The following LRRC28 variants were observed in gnomAD, a reference collection of about 807,000 sequenced individuals.
The protein encoded by LRRC28 is leucine rich repeat containing 28, also known as leucine-rich repeat-containing protein 28.
Under a neutral mutation model 45.7 loss-of-function variants are expected in LRRC28, and 39 were observed. The ratio of observed to expected loss-of-function variants is 0.85; its 90% CI spans 0.66 to 1.12. LRRC28 has a LOEUF of 1.12. Among genes scored for constraint, LRRC28 ranks in the 50% most tolerant of loss-of-function variants. The probability of loss-of-function intolerance (pLI) is 0.00; values close to 1 mark genes in which losing one functional copy is unlikely to be tolerated. For synonymous variants in LRRC28, 206 were observed against 178.8 expected (o/e 1.15, Z -1.22); for missense variants, 435 against 438.5 (o/e 0.99, Z 0.07).
chr15:99,289,874 A>G (rs935399871), intron 5 of LRRC28, among the ~76,000 whole-genome samples: 2 of 136,784 alleles, frequency 1.5e-5, no homozygotes, highest in African/African-American at 5.5e-5. Flanking sequence ...CGGAGCTTGC[A>G]GTGAGCCGAG....
intron 2 of LRRC28, among the ~76,000 whole-genome samples, chr15:99,276,126 C>T (rs2081611418): frequency 1.3e-5 from 2 of 151,872 alleles, no homozygotes; most frequent in African/African-American, 4.8e-5. Context: ...TCTCCCGTCA[C>T]CCCCAGATGG....
chr15:99,267,074 G>A (rs1457710487), intron 2 of LRRC28, among the ~76,000 whole-genome samples: 1 of 152,174 alleles, frequency 6.6e-6, no homozygotes, highest in Non-Finnish European at 1.5e-5. Context: ...ATAATTTGGA[G>A]TCAGTTAAAA....
At chr15:99,363,488 ATAT>A (rs1957262708) in intron 9 of LRRC28, 1 of 406,938 alleles carries the variant, frequency 2.5e-6, no homozygotes, top group African/African-American at 2.0e-5. Context: ...TTTATTGTAT[ATAT>A]TATTTAGAGG....
At chr15:99,348,529 T>C (rs1956767375) in intron 6 of LRRC28, among the ~76,000 whole-genome samples, 1 of 152,156 alleles carries the variant, frequency 6.6e-6, no homozygotes, top group East Asian at 1.9e-4. Flanking sequence ...TTCAAGACAC[T>C]TTCTGTTCCC....
chr15:99,288,173 A>G (rs2082009424), intron 5 of LRRC28, among the ~76,000 whole-genome samples: 1 of 152,248 alleles, frequency 6.6e-6, no homozygotes, highest in Non-Finnish European at 1.5e-5. Context: ...TACAATTACT[A>G]CAATTGTGCA....
intron 5 of LRRC28, among the ~76,000 whole-genome samples, chr15:99,298,700 TTAA>T (rs759589561): frequency 5.5e-4 from 84 of 152,314 alleles, no homozygotes; most frequent in Admixed American, 3.7e-3. Flanking sequence ...ACACAACCTA[TTAA>T]TAAGACTTCA....
chr15:99,349,184 G>T (rs551458012), intron 6 of LRRC28, among the ~76,000 whole-genome samples: 236 of 151,940 alleles, frequency 1.6e-3, no homozygotes, highest in Non-Finnish European at 2.8e-3. Context: ...GAAATCTTTG[G>T]GGTTTCATCT....
chr15:99,270,492 A>C (rs2081448657), intron 2 of LRRC28, among the ~76,000 whole-genome samples: 1 of 150,078 alleles, frequency 6.7e-6, no homozygotes, highest in Non-Finnish European at 1.5e-5. Flanking sequence ...CTCTGGGTTA[A>C]CTCTAGATAT....
intron 9 of LRRC28, among the ~76,000 whole-genome samples, chr15:99,366,312 T>C (rs1235117715): frequency 6.6e-6 from 1 of 152,194 alleles, no homozygotes; most frequent in Non-Finnish European, 1.5e-5. Context: ...TTTATGAATG[T>C]CTGTCTCTGT....
intron 6 of LRRC28, among the ~76,000 whole-genome samples, chr15:99,339,272 G>A (rs1250946901): frequency 5.9e-5 from 9 of 152,202 alleles, no homozygotes; most frequent in Admixed American, 5.9e-4. Context: ...TATAAGGATT[G>A]TGTTCCGTTC....
intron 9 of LRRC28, among the ~76,000 whole-genome samples, chr15:99,375,555 T>C (rs145425156): frequency 1.4e-3 from 207 of 152,346 alleles, no homozygotes; most frequent in African/African-American, 4.1e-3. Context: ...CAAAAATTTA[T>C]CTTTTTACTC....
intron 1 of LRRC28, among the ~76,000 whole-genome samples, chr15:99,253,869 C>T (rs887485496): frequency 3.3e-5 from 5 of 152,108 alleles, no homozygotes; most frequent in Non-Finnish European, 7.4e-5. Flanking sequence ...GGCCACTAGC[C>T]TTGTGATAGA....
At chr15:99,256,166 T>A (rs758229989) in intron 2 of LRRC28, 41 bp downstream of exon 2, 1 of 1,525,988 alleles carries the variant, frequency 6.6e-7, no homozygotes, top group Non-Finnish European at 8.9e-7. Context: ...TATTTATACA[T>A]GTGGTCCTGA....
intron 9 of LRRC28, among the ~76,000 whole-genome samples, chr15:99,372,436 T>C (rs146405515): frequency 1.3e-3 from 205 of 152,336 alleles, no homozygotes; most frequent in African/African-American, 4.0e-3. Flanking sequence ...CCCAGACCTC[T>C]GATGTCTCTG....
At chr15:99,363,444 C>A in intron 9 of LRRC28, 179 bp downstream of exon 9, 1 of 618,118 alleles carries the variant, frequency 1.6e-6, no homozygotes, top group Non-Finnish European at 2.6e-6. Context: ...ACTGGACTTG[C>A]CTTTATTAAT....
rs141689801 is a variant in LRRC28, at chr15:99,333,926, T to A, written c.389T>A (p.Val130Asp). 1.9e-6 allele frequency: 3 copies of A among 1,614,014 alleles called. No individual in the cohort carries two copies. Among genetic ancestry groups the A allele is most frequent in the Non-Finnish European group, 2.5e-6 (3 of 1,179,920 alleles). Residue 130 changes from valine (V) to aspartate (D), a missense_variant, in exon 6 of 10, where the codon GTT becomes GAT. Coordinates refer to ENST00000301981, the MANE Select transcript of LRRC28 (RefSeq NM_144598.5). ...NNQLQFLPPEVGDLKELQTLD... is the reference protein window; with the variant it reads ...NNQLQFLPPEDGDLKELQTLD... Reference sequence around the variant, plus strand: ...CTAATTTTGATTTTGGTTGTAGAGGTTGGCGATTTGAAGGAGCTGCAGACA... The same window carrying A: ...CTAATTTTGATTTTGGTTGTAGAGGATGGCGATTTGAAGGAGCTGCAGACA...
Position 99,293,531 on chromosome 15 carries a change from T to G in LRRC28, c.385+5580T>G, listed in dbSNP as rs2082179426. On this transcript the variant is annotated intron_variant, in intron 5 of 9. Transcript: ENST00000301981. ...TCGCTTGAACACAGGAGGCAGAGGT[T>G]GTGGTGAGCCGAGATCATGCCGTTG... 3.8e-5 allele frequency among the ~76,000 whole-genome samples: 5 copies of G among 130,060 alleles called. No individual in the cohort carries two copies. The South Asian group carries it at 1.2e-3, about 32-fold the overall frequency. The allele number at this position is 130,060 out of a possible 152,430, so 85.3% of individuals were successfully genotyped here.
At chr15:99,265,174 G>C (rs1418481603) in intron 2 of LRRC28, among the ~76,000 whole-genome samples, 1 of 152,156 alleles carries the variant, frequency 6.6e-6, no homozygotes, top group African/African-American at 2.4e-5. Context: ...GCTCGTTTAG[G>C]GAACTTTCTC....
In LRRC28 at chr15:99,345,991, A is replaced by AT. The variant is rs367847997; in HGVS notation, c.593-6368dup. Reference sequence around the variant, plus strand: ...CTTCTAGGTTAACGCCTCTCTTTTTATTTTTTTTTTAGCAGGGTCTCGCTC... The same window carrying AT: ...CTTCTAGGTTAACGCCTCTCTTTTTATTTTTTTTTTTAGCAGGGTCTCGCTC... On this transcript the variant is annotated intron_variant, in intron 6 of 9. Coordinates refer to ENST00000301981, the MANE Select transcript of LRRC28 (RefSeq NM_144598.5). Among the ~76,000 whole-genome samples, 1,070 of 149,564 alleles carry AT rather than the reference A, an allele frequency of 7.2e-3. 9 individuals are homozygous for AT. The highest frequency in any genetic ancestry group is 0.025 in the African/African-American group (1,002 of 40,894).
Sources: allele counts gnomAD v4.1 joint callset (sites outside exome capture counted in the v4.1 genomes callset), GRCh38; gene constraint gnomAD v4.1.1; transcripts MANE v1.5; gene names NCBI Gene and HGNC (gene_info 2026-07-23, HGNC 2026-07-21).